CPEB3: variants seen among roughly 807,000 people sequenced by gnomAD.
The protein encoded by CPEB3 is cytoplasmic polyadenylation element-binding protein 3.
CPEB3 carries 20 observed loss-of-function variants against 67.2 expected under a neutral mutation model. That is an observed-to-expected ratio of 0.30 (90% CI 0.21 to 0.43). The LOEUF (loss-of-function observed/expected upper bound fraction) is 0.43, where lower values mean the gene tolerates loss of function less well. Ranked by LOEUF, CPEB3 falls within the 20% of genes least tolerant of loss-of-function variation. CPEB3 has a pLI of 1.00. For synonymous variants in CPEB3, 376 were observed against 393.1 expected (o/e 0.96, Z 0.51); for missense variants, 746 against 968.6 (o/e 0.77, Z 3.05).
chr10:92,154,769 C>G (rs1847125772), intron 4 of CPEB3, among the ~76,000 whole-genome samples: 1 of 152,224 alleles, frequency 6.6e-6, no homozygotes, highest in East Asian at 1.9e-4. Context: ...CATTCCTATT[C>G]CATTATCCAA....
At chr10:92,062,535 T>C (rs1842395401) in intron 9 of CPEB3, among the ~76,000 whole-genome samples, 1 of 152,072 alleles carries the variant, frequency 6.6e-6, no homozygotes, top group African/African-American at 2.4e-5. Context: ...CTGAAATGAA[T>C]TGTAGACCAA....
chr10:92,240,054 C>T lies in CPEB3; in HGVS notation c.297G>A (p.Pro99=). 3 of 1,594,874 alleles carry T rather than the reference C, an allele frequency of 1.9e-6. No individual in the cohort carries two copies. Among genetic ancestry groups the T allele is most frequent in the African/African-American group, 1.3e-5 (1 of 74,584 alleles). The change falls in exon 2 of 10, where the codon CCG becomes CCA. Residue 99 remains proline, a synonymous_variant. Transcript: ENST00000265997. The part of the protein sequence containing the change: ...QPPPPQEPAA[P]GASLSPSFGS... ...CGAAGGACGGCGACAGCGACGCGCC[C>T]GGTGCCGCGGGCTCCTGAGGCGGCG... is the stretch of plus-strand genomic sequence containing the variant.
chr10:92,256,704 C>T (rs555707433), intron 1 of CPEB3, among the ~76,000 whole-genome samples: 49 of 152,304 alleles, frequency 3.2e-4, no homozygotes, highest in African/African-American at 5.8e-4. Context: ...CTCTTCTACA[C>T]GTACTCTTCC....
intron 2 of CPEB3, among the ~76,000 whole-genome samples, chr10:92,225,521 CA>C (rs1241887018): frequency 1.3e-5 from 2 of 151,044 alleles, no homozygotes; most frequent in African/African-American, 2.4e-5. Context: ...CAAAACAAAA[CA>C]AAAAAAACAA....
intron 1 of CPEB3, among the ~76,000 whole-genome samples, chr10:92,250,384 G>A (rs1045409612): frequency 9.9e-5 from 15 of 151,748 alleles, no homozygotes; most frequent in African/African-American, 3.1e-4. Context: ...CACTGTACCC[G>A]GCCAATTTTT....
intron 2 of CPEB3, 46 bp from the exon 3 acceptor site, chr10:92,192,682 A>C (rs1849038213): frequency 6.9e-7 from 1 of 1,441,826 alleles, no homozygotes. Context: ...ATTACTTCAT[A>C]AAATTAACAC....
intron 9 of CPEB3, among the ~76,000 whole-genome samples, chr10:92,070,850 GT>G (rs1300365774): frequency 1.4e-5 from 1 of 72,574 alleles, no homozygotes; most frequent in African/African-American, 4.4e-5. Flanking sequence ...TCAGTGACAG[GT>G]TTAAAAAAAA....
At position 92,239,454 on chromosome 10, in the gene CPEB3, G is replaced by T; in HGVS notation, c.897C>A (p.Asn299Lys). The change falls in exon 2 of 10, where the codon AAC becomes AAA. Residue 299 changes from asparagine (N) to lysine (K), a missense_variant. Coordinates refer to ENST00000265997, the MANE Select transcript of CPEB3 (RefSeq NM_014912.5). This position sits in a 1 kb window ranked among gnomAD's most constrained non-coding sequence, Gnocchi z 6.0. ...ISPLKKPFSSNVIAPPKFPRA... is the reference protein window; with the variant it reads ...ISPLKKPFSSKVIAPPKFPRA... ...GAGGGAACTTGGGCGGCGCGATCAC[G>T]TTGCTGGAGAAGGGCTTTTTGAGCG... 6.3e-7 allele frequency: 1 copy of T among 1,598,300 alleles called. No homozygotes were observed. Among genetic ancestry groups the T allele is most frequent in the Non-Finnish European group, 8.5e-7 (1 of 1,172,138 alleles).
chr10:92,282,499 C>T (rs1842342428), intron 1 of CPEB3, among the ~76,000 whole-genome samples: 1 of 151,726 alleles, frequency 6.6e-6, no homozygotes, highest in African/African-American at 2.4e-5. Flanking sequence ...ACCAGCCTGA[C>T]CAACATGGTA....
chr10:92,089,444 T>C (rs1418163739), intron 8 of CPEB3, among the ~76,000 whole-genome samples: 1 of 151,858 alleles, frequency 6.6e-6, no homozygotes, highest in African/African-American at 2.4e-5. Context: ...TCCACATAAC[T>C]ATAAAAACAA....
intron 1 of CPEB3, among the ~76,000 whole-genome samples, chr10:92,277,945 G>A (rs1278819070): frequency 6.6e-6 from 1 of 150,814 alleles, no homozygotes; most frequent in Non-Finnish European, 1.5e-5. Flanking sequence ...AGCACTTTGG[G>A]AGGCCAAGGT....
intron 7 of CPEB3, among the ~76,000 whole-genome samples, chr10:92,109,357 A>G (rs911272404): frequency 6.6e-6 from 1 of 151,466 alleles, no homozygotes; most frequent in African/African-American, 2.4e-5. Context: ...GGTTCAAGCG[A>G]TTCTACTGCC....
At position 92,181,021 on chromosome 10, in the gene CPEB3, T is replaced by TA. The variant is rs1427590499; in HGVS notation, c.1166-3dup. 4 of 1,472,748 alleles carry TA rather than the reference T, an allele frequency of 2.7e-6. No individual in the cohort carries two copies. Among genetic ancestry groups the TA allele is most frequent in the Non-Finnish European group, 3.8e-6 (4 of 1,053,698 alleles). The allele number at this position is 1,472,748 out of a possible 1,614,324, so 91.2% of individuals were successfully genotyped here. A position where few individuals can be genotyped will look rare whatever the true frequency, so the allele number is the denominator to read the frequency against. On this transcript the variant is annotated splice_region_variant and splice_polypyrimidine_tract_variant and intron_variant, in intron 3 of 9. Transcript: ENST00000265997. ...GATGGAAATTTATCCCCATGCGTCC[T>TA]AAAAAATAAAATAATTTTAAGCAAA... is the stretch of plus-strand genomic sequence containing the variant.
At chr10:92,053,851 A>AT (rs1470104242) in intron 9 of CPEB3, among the ~76,000 whole-genome samples, 26 of 149,998 alleles carry the variant, frequency 1.7e-4, no homozygotes, top group Non-Finnish European at 2.7e-4. Flanking sequence ...CACTCGACTT[A>AT]TTTTTTGTAT....
intron 4 of CPEB3, among the ~76,000 whole-genome samples, chr10:92,168,693 G>T (rs1271191831): frequency 1.3e-5 from 2 of 151,082 alleles, no homozygotes; most frequent in Non-Finnish European, 2.9e-5. Flanking sequence ...CTGCTGTCAT[G>T]TGAAGAAGGA....
intron 9 of CPEB3, among the ~76,000 whole-genome samples, chr10:92,073,455 A>G (rs368256715): frequency 6.6e-6 from 1 of 151,742 alleles, no homozygotes; most frequent in East Asian, 2.0e-4. Context: ...GGAGTTTGAG[A>G]CCAGCCTGGC....
In CPEB3 at chr10:92,258,744, T is replaced by G. The variant is rs568803508; in HGVS notation, c.-11-18383A>C. ...CTAGATCAGATATTTTTATATAAAT[T>G]TTTTCTTTTTTAAACAGAGTCTCTT... is the stretch of plus-strand genomic sequence containing the variant. On this transcript the variant is annotated intron_variant, in intron 1 of 9. Coordinates refer to ENST00000265997, the MANE Select transcript of CPEB3 (RefSeq NM_014912.5). 3.0e-3 allele frequency among the ~76,000 whole-genome samples: 376 copies of G among 125,110 alleles called. 2 individuals carry two copies. Among genetic ancestry groups the G allele is most frequent in the African/African-American group, 0.011 (361 of 31,606 alleles). The allele number at this position is 125,110 out of a possible 152,430, so 82.1% of individuals were successfully genotyped here. A position where few individuals can be genotyped will look rare whatever the true frequency, so the allele number is the denominator to read the frequency against.
At chr10:92,072,192 T>C (rs565018945) in intron 9 of CPEB3, among the ~76,000 whole-genome samples, 2 of 152,322 alleles carry the variant, frequency 1.3e-5, no homozygotes, top group East Asian at 3.9e-4. Flanking sequence ...CCCAGTTGTC[T>C]ACATCTATAA....
At chr10:92,190,726 G>C (rs1228333451) in intron 3 of CPEB3, among the ~76,000 whole-genome samples, 1 of 135,124 alleles carries the variant, frequency 7.4e-6, no homozygotes, top group Admixed American at 7.5e-5. Flanking sequence ...CCAGATAGTA[G>C]AGGGAAGTGC....
Sources: allele counts gnomAD v4.1 joint callset (sites outside exome capture counted in the v4.1 genomes callset), GRCh38; gene constraint gnomAD v4.1.1; non-coding constraint Gnocchi (gnomAD v3.1); transcripts MANE v1.5; gene names NCBI Gene and HGNC (gene_info 2026-07-23, HGNC 2026-07-21).